ITPR1: variants seen among roughly 807,000 people sequenced by gnomAD.
ITPR1 encodes inositol 1,4,5-trisphosphate-gated calcium channel ITPR1.
ITPR1 carries 96 observed loss-of-function variants against 318.4 expected under a neutral mutation model. The ratio of observed to expected loss-of-function variants is 0.30; its 90% CI spans 0.26 to 0.36. ITPR1 has a LOEUF of 0.36. ITPR1 is among the 10% of genes least tolerant of loss of function. The probability of loss-of-function intolerance (pLI) is 1.00; values close to 1 mark genes in which losing one functional copy is unlikely to be tolerated. For synonymous variants in ITPR1, 1,312 were observed against 1,289.9 expected (o/e 1.02, Z -0.37); for missense variants, 2,440 against 3,460.2 (o/e 0.71, Z 7.40).
At chr3:4,803,751 T>C (rs1181093189) in intron 54 of ITPR1, among the ~76,000 whole-genome samples, 1 of 152,228 alleles carries the variant, frequency 6.6e-6, no homozygotes, top group South Asian at 2.1e-4. Flanking sequence ...TCCACAGTTA[T>C]CACTTCTTTA....
At chr3:4,724,023 A>C (rs561920260) in intron 40 of ITPR1, among the ~76,000 whole-genome samples, 1 of 152,318 alleles carries the variant, frequency 6.6e-6, no homozygotes, top group South Asian at 2.1e-4. Flanking sequence ...TGATCTTTCT[A>C]TCATTTTGAA....
rs1488392 is a variant in ITPR1 at position 4,748,955 on chromosome 3, G to A, written c.5544+13601G>A. Among the ~76,000 whole-genome samples the A allele has an allele frequency of 5.0e-3, 768 of 152,280 alleles. 10 individuals carry two copies. Among genetic ancestry groups the A allele is most frequent in the African/African-American group, 0.015 (643 of 41,534 alleles). On this transcript the variant is annotated intron_variant, in intron 44 of 61. Transcript: ENST00000649015. Reference sequence around the variant, plus strand: ...TAGAAGGCAGAAGTTGTTTTCCTCCGCGGGGATTTAGAAGAGAAGGCACAA... The same window carrying A: ...TAGAAGGCAGAAGTTGTTTTCCTCCACGGGGATTTAGAAGAGAAGGCACAA...
chr3:4,499,106 A>G (rs555100113), intron 2 of ITPR1, among the ~76,000 whole-genome samples: 4 of 152,320 alleles, frequency 2.6e-5, no homozygotes, highest in Admixed American at 6.5e-5. Flanking sequence ...ATATACTATG[A>G]TTGCATCTGT....
intron 21 of ITPR1, 37 bp from the exon 22 acceptor site, chr3:4,674,165 T>C: frequency 6.6e-7 from 1 of 1,525,576 alleles, no homozygotes; most frequent in Non-Finnish European, 8.8e-7. Context: ...GGGAATAACT[T>C]GAAATTTTGT....
chr3:4,770,230 A>G (rs765379017), intron 46 of ITPR1, among the ~76,000 whole-genome samples: 2 of 152,182 alleles, frequency 1.3e-5, no homozygotes, highest in Non-Finnish European at 2.9e-5. Context: ...TCACACCTCG[A>G]TTGTGGCTAG....
chr3:4,809,326 T>G (rs943096064), intron 55 of ITPR1, among the ~76,000 whole-genome samples: 1 of 152,258 alleles, frequency 6.6e-6, no homozygotes, highest in Non-Finnish European at 1.5e-5. Flanking sequence ...TTATTTGTTA[T>G]GACATATAAT....
rs2094433574 is a variant in ITPR1 at position 4,688,559 on chromosome 3, C to T, written c.3767C>T (p.Ala1256Val). Reference sequence around the variant, plus strand: ...CATGAATTTTTGCAGAATTTCTGCGCAGGCAACCAGCAGAATCAAGCTTTG... The same window carrying T: ...CATGAATTTTTGCAGAATTTCTGCGTAGGCAACCAGCAGAATCAAGCTTTG... ...LAHEFLQNFC[A>V]GNQQNQALLH... The change falls in exon 31 of 62, where the codon GCA (alanine) becomes GTA (valine). Residue 1256 changes from alanine to valine, a missense_variant. By Grantham distance (64) the Ala-to-Val change is moderately conservative. Coordinates refer to ENST00000649015, the MANE Select transcript of ITPR1 (RefSeq NM_001378452.1). The T allele has an allele frequency of 1.9e-6, 3 of 1,613,934 alleles. No homozygotes were observed. The highest frequency in any genetic ancestry group is 4.5e-5 in the East Asian group (2 of 44,884).
intron 61 of ITPR1, among the ~76,000 whole-genome samples, chr3:4,839,607 T>G (rs2051189769): frequency 6.6e-6 from 1 of 152,244 alleles, no homozygotes; most frequent in Admixed American, 6.5e-5. Flanking sequence ...TCGCATCATA[T>G]ACTTAAATGG....
At chr3:4,806,954 A>G (rs1559929919) in intron 55 of ITPR1, among the ~76,000 whole-genome samples, 1 of 152,144 alleles carries the variant, frequency 6.6e-6, no homozygotes, top group Non-Finnish European at 1.5e-5. Flanking sequence ...GCCTACATAA[A>G]ATGACAGGAA....
chr3:4,629,126 G>T (rs2092933825), intron 5 of ITPR1, among the ~76,000 whole-genome samples: 1 of 152,190 alleles, frequency 6.6e-6, no homozygotes, highest in South Asian at 2.1e-4. Context: ...CTACAAGATG[G>T]TCCATGCCTG....
intron 40 of ITPR1, among the ~76,000 whole-genome samples, chr3:4,723,218 C>A (rs559774058): frequency 6.6e-6 from 1 of 152,148 alleles, no homozygotes; most frequent in South Asian, 2.1e-4. Flanking sequence ...AGTGGATGCC[C>A]AGAGAGGTTC....
At chr3:4,688,986 T>C (rs1270715924) in intron 31 of ITPR1, among the ~76,000 whole-genome samples, 1 of 152,256 alleles carries the variant, frequency 6.6e-6, no homozygotes, top group Non-Finnish European at 1.5e-5. Context: ...TATACATATA[T>C]AATATTTCCA....
At chr3:4,836,050 TCTC>T (rs1169005408) in intron 60 of ITPR1, among the ~76,000 whole-genome samples, 1 of 152,116 alleles carries the variant, frequency 6.6e-6, no homozygotes, top group East Asian at 1.9e-4. Context: ...CTCTTAATGA[TCTC>T]CTCACCCACG....
intron 4 of ITPR1, among the ~76,000 whole-genome samples, chr3:4,564,275 C>G: frequency 6.6e-6 from 1 of 152,130 alleles, no homozygotes; most frequent in East Asian, 1.9e-4. Flanking sequence ...AGGAAGAAAT[C>G]CGTTATGCCT....
At chr3:4,496,735 G>T (rs958174718) in intron 2 of ITPR1, among the ~76,000 whole-genome samples, 29 of 152,344 alleles carry the variant, frequency 1.9e-4, no homozygotes, top group Admixed American at 7.8e-4. Flanking sequence ...ATCCAATGGT[G>T]TGCAACCAAC....
rs1418400202 is a variant in ITPR1, at chr3:4,846,434, G to C, written c.*209G>C. On this transcript the variant is annotated 3_prime_UTR_variant, in exon 62 of 62. Transcript: ENST00000649015. ...TTGTTGGCATGATGACATTTCATTTGTGCCAAAAATATTAAAAATGCCTTT... is the reference window on the plus strand; with the variant it reads ...TTGTTGGCATGATGACATTTCATTTCTGCCAAAAATATTAAAAATGCCTTT... 8.0e-6 allele frequency: 3 copies of C among 374,958 alleles called. No individual in the cohort carries two copies. The highest frequency in any genetic ancestry group is 1.4e-5 in the Non-Finnish European group (3 of 211,160). The allele number at this position is 374,958 out of a possible 1,614,324, so 23.2% of individuals were successfully genotyped here.
rs369524054 is a variant in ITPR1, at chr3:4,782,699, C to A, written c.6468C>A (p.Ser2156=). 1.9e-6 allele frequency: 3 copies of A among 1,593,618 alleles called. No individual in the cohort carries two copies. The highest frequency in any genetic ancestry group is 1.3e-5 in the African/African-American group (1 of 74,278). The change falls in exon 50 of 62, where the codon TCC becomes TCA. Residue 2156 remains serine (S), a synonymous_variant. Coordinates refer to ENST00000649015, the MANE Select transcript of ITPR1 (RefSeq NM_001378452.1). ...DGENGEDGAA[S]PRNVGHNIYI... is the part of the protein sequence containing the mutation. ...AAAACGGTGAGGATGGGGCGGCGTC[C>A]CCCAGGAACGTGGGGCACAACATCT...
At chr3:4,781,231 A>G (rs1156676931) in intron 49 of ITPR1, among the ~76,000 whole-genome samples, 2 of 152,250 alleles carry the variant, frequency 1.3e-5, no homozygotes, top group African/African-American at 4.8e-5. Context: ...ATAATGACAA[A>G]TAATTCATGG....
At chr3:4,679,719 G>T (rs1366485095) in intron 24 of ITPR1, among the ~76,000 whole-genome samples, 1 of 152,192 alleles carries the variant, frequency 6.6e-6, no homozygotes, top group African/African-American at 2.4e-5. Flanking sequence ...ACCCAGTCAA[G>T]TTGGCATATA....
Sources: allele counts gnomAD v4.1 joint callset (sites outside exome capture counted in the v4.1 genomes callset), GRCh38; gene constraint gnomAD v4.1.1; transcripts MANE v1.5; gene names NCBI Gene and HGNC (gene_info 2026-07-23, HGNC 2026-07-21).